BCAR3: variants seen among roughly 807,000 people sequenced by gnomAD.
BCAR3 encodes the protein breast cancer anti-estrogen resistance protein 3.
In BCAR3, 37 loss-of-function variants were observed where a neutral mutation model predicts 80.1. That is an observed-to-expected ratio of 0.46 (90% CI 0.36 to 0.61). The LOEUF (loss-of-function observed/expected upper bound fraction) is 0.61, where lower values mean the gene tolerates loss of function less well. Among genes scored for constraint, BCAR3 ranks in the 20% least tolerant of loss-of-function variants. The pLI is 0.00. For synonymous variants in BCAR3, 389 were observed against 418.9 expected, an observed-to-expected ratio of 0.93 and a Z score of 0.87; for missense variants, 978 against 1,068.2, an observed-to-expected ratio of 0.92 and a Z score of 1.18.
At chr1:93,751,018 C>T (rs1177585511) in intron 2 of BCAR3, among the ~76,000 whole-genome samples, 1 of 152,212 alleles carries the variant, frequency 6.6e-6, no homozygotes, top group Non-Finnish European at 1.5e-5. Flanking sequence ...AGAACAGTCA[C>T]ACTGGGTAAC....
chr1:93,748,934 T>C (rs1167062198), intron 2 of BCAR3, among the ~76,000 whole-genome samples: 1 of 152,154 alleles, frequency 6.6e-6, no homozygotes, highest in Non-Finnish European at 1.5e-5. Context: ...ACAACGAAGG[T>C]GCTGAATCAA....
At chr1:93,621,112 C>T (rs903715242) in intron 3 of BCAR3, among the ~76,000 whole-genome samples, 1 of 152,244 alleles carries the variant, frequency 6.6e-6, no homozygotes, top group African/African-American at 2.4e-5. Context: ...AGTAACCCCA[C>T]CCATTCCAGC....
At chr1:93,656,943 T>C (rs916097840) in intron 2 of BCAR3, among the ~76,000 whole-genome samples, 1 of 152,218 alleles carries the variant, frequency 6.6e-6, no homozygotes, top group Non-Finnish European at 1.5e-5. Context: ...GGGGCTTCTT[T>C]TCCAGTGTGT....
intron 2 of BCAR3, among the ~76,000 whole-genome samples, chr1:93,722,425 C>T (rs1650436772): frequency 6.6e-6 from 1 of 152,206 alleles, no homozygotes; most frequent in South Asian, 2.1e-4. Context: ...CCACAGCTGA[C>T]CCGCCACGGT....
intron 2 of BCAR3, among the ~76,000 whole-genome samples, chr1:93,799,802 A>G (rs1408845496): frequency 6.6e-6 from 1 of 152,216 alleles, no homozygotes; most frequent in Non-Finnish European, 1.5e-5. Context: ...ACCTTGAGGC[A>G]TAACAGTCCA....
chr1:93,686,626 C>T (rs1648981513), upstream of BCAR3, among the ~76,000 whole-genome samples: 2 of 152,166 alleles, frequency 1.3e-5, no homozygotes, highest in East Asian at 3.9e-4. Context: ...AGAACCAAAG[C>T]TAACCCCAGG....
chr1:93,579,117 G>A (rs1673593542), intron 7 of BCAR3, among the ~76,000 whole-genome samples: 1 of 152,166 alleles, frequency 6.6e-6, no homozygotes, highest in Admixed American at 6.5e-5. Flanking sequence ...AGCAGGACAG[G>A]GAGCCTGGAG....
At chr1:93,562,930 C>T (rs1326294029) in intron 11 of BCAR3, among the ~76,000 whole-genome samples, 1 of 152,026 alleles carries the variant, frequency 6.6e-6, no homozygotes, top group Non-Finnish European at 1.5e-5. Context: ...AACCTAAGCA[C>T]CTTCAGAGAA....
chr1:93,601,584 A>G (rs1177426820), intron 3 of BCAR3, among the ~76,000 whole-genome samples: 2 of 152,264 alleles, frequency 1.3e-5, no homozygotes, highest in Non-Finnish European at 2.9e-5. Flanking sequence ...ATGCGAGTGC[A>G]AGACAGTTTT....
rs1447827867 is a variant in BCAR3 at position 93,824,432 on chromosome 1, C to A, written c.-63+21135G>T. 1.5e-5 allele frequency among the ~76,000 whole-genome samples: 2 copies of A among 133,252 alleles called. 1 individual carries two copies. The highest frequency in any genetic ancestry group is 5.0e-5 in the African/African-American group (2 of 39,692). 87.4% of individuals were successfully genotyped at this position (133,252 alleles called of 152,430 possible). A position where few individuals can be genotyped will look rare whatever the true frequency, so the allele number is the denominator to read the frequency against. ...TCCATGGCTGGTGGGTAGGTGGAGGCTAACTCCTTCAGCTAAAAGGGCCCA... is the reference window on the plus strand; with the variant it reads ...TCCATGGCTGGTGGGTAGGTGGAGGATAACTCCTTCAGCTAAAAGGGCCCA... On this transcript the variant is annotated intron_variant, in intron 2 of 13. Transcript: ENST00000370244.
chr1:93,763,201 T>C (rs1652015722), intron 2 of BCAR3, among the ~76,000 whole-genome samples: 1 of 152,134 alleles, frequency 6.6e-6, no homozygotes. Flanking sequence ...GTAGCTAGGA[T>C]TACAGGTGCA....
chr1:93,645,099 G>A (rs932237383), intron 2 of BCAR3, among the ~76,000 whole-genome samples: 2 of 152,134 alleles, frequency 1.3e-5, no homozygotes, highest in African/African-American at 4.8e-5. Context: ...GCCAAAAAGC[G>A]CCCATGGGTG....
chr1:93,719,273 G>T (rs1650299160), intron 2 of BCAR3, among the ~76,000 whole-genome samples: 1 of 149,238 alleles, frequency 6.7e-6, no homozygotes, highest in Admixed American at 6.7e-5. Flanking sequence ...TATTGCATCA[G>T]CTTTTGCTTT....
intron 7 of BCAR3, among the ~76,000 whole-genome samples, chr1:93,580,498 A>T (rs1216369590): frequency 8.7e-5 from 13 of 150,194 alleles, no homozygotes; most frequent in Admixed American, 8.6e-4. Context: ...CCAACCAAGG[A>T]TCAAAAATAT....
At position 93,642,319 on chromosome 1, in the gene BCAR3, A is replaced by T. The variant is rs1676006806; in HGVS notation, c.342T>A (p.Thr114=). 6.2e-7 allele frequency: 1 copy of T among 1,613,872 alleles called. No homozygotes were observed. The highest frequency in any genetic ancestry group is 8.5e-7 in the Non-Finnish European group (1 of 1,179,718). ...TFRDPHLLDP[T]VEYVKFSKER... ...CATTTCCTACCTTCACATATTCCAC[A>T]GTTGGGTCCAGAAGATGTGGATCCC... The change falls in exon 3 of 12, where the codon ACT becomes ACA. Residue 114 remains threonine (T), a synonymous_variant. Transcript: ENST00000260502.
At chr1:93,696,646 T>C (rs190866036) in intron 3 of BCAR3, among the ~76,000 whole-genome samples, 2 of 152,292 alleles carry the variant, frequency 1.3e-5, no homozygotes, top group East Asian at 3.9e-4. Context: ...TCCATCCCTC[T>C]ACCACTTAAA....
At chr1:93,780,570 G>GA (rs60451590) in intron 2 of BCAR3, among the ~76,000 whole-genome samples, 22,487 of 112,980 alleles carry the variant, frequency 0.2, 2,185 homozygotes, top group African/African-American at 0.39. Flanking sequence ...AAGAGGAGAG[G>GA]AAAAAAAAAA....
At chr1:93,684,350 TAAAG>T (rs1648901699), upstream of BCAR3, among the ~76,000 whole-genome samples, 2 of 152,120 alleles carry the variant, frequency 1.3e-5, no homozygotes, top group African/African-American at 2.4e-5. Context: ...GAGGTAGCAA[TAAAG>T]AAAGACCAGA....
intron 3 of BCAR3, among the ~76,000 whole-genome samples, chr1:93,689,066 G>A (rs1248719069): frequency 6.6e-6 from 1 of 152,190 alleles, no homozygotes; most frequent in African/African-American, 2.4e-5. Context: ...AGCCCTGGGA[G>A]GTATGAAAGT....
Sources: gnomAD v4.1 joint callset for allele counts (sites outside exome capture counted in the v4.1 genomes callset) on GRCh38, gnomAD v4.1.1 for gene constraint, MANE v1.5 for transcripts, NCBI Gene and HGNC (gene_info 2026-07-23, HGNC 2026-07-21) for gene names.